Variants in TTC34 observed in about 807,000 individuals in gnomAD.
TTC34 encodes the protein tetratricopeptide repeat protein 34.
A neutral mutation model predicts 40.7 loss-of-function variants in TTC34; 44 were observed. The ratio of observed to expected loss-of-function variants is 1.08; its 90% CI spans 0.85 to 1.39. The LOEUF (loss-of-function observed/expected upper bound fraction) is 1.39. TTC34 is among the 40% of genes most tolerant of loss of function. The pLI is 0.00. For synonymous variants in TTC34, 422 were observed against 398.6 expected, an observed-to-expected ratio of 1.06 and a Z score of -0.70; for missense variants, 884 against 838.0, an observed-to-expected ratio of 1.05 and a Z score of -0.68.
At chr1:2,752,133 C>A (rs1403455881) in intron 6 of TTC34, among the ~76,000 whole-genome samples, 1 of 103,012 alleles carries the variant, frequency 9.7e-6, no homozygotes, top group Admixed American at 1.0e-4. Context: ...CCCACGCCCC[C>A]AGGTGCGCAT....
In TTC34 at chr1:2,799,436, G is replaced by A. The variant is rs1643749667; in HGVS notation, c.784+608C>T. On this transcript the variant is annotated intron_variant, in intron 2 of 8. Transcript: ENST00000401095. The stretch of plus-strand genomic sequence containing the variant: ...TGGGTGCCTGTAATCCCAGTTACTC[G>A]GGAGGCTGAAGCAAGAGAATCTCTT... 2.0e-5 allele frequency among the ~76,000 whole-genome samples: 3 copies of A among 152,098 alleles called. No individual in the cohort carries two copies. In the South Asian group the frequency reaches 6.2e-4, roughly 31 times the overall value.
chr1:2,641,153 G>C, exon 9 of TTC34: 1 of 392,706 alleles, frequency 2.5e-6, no homozygotes, highest in Non-Finnish European at 4.3e-6. Context: ...AGGGGTGTGT[G>C]GGGAGGGTGG....
intron 6 of TTC34, among the ~76,000 whole-genome samples, chr1:2,758,471 C>T (rs1342436423): frequency 8.2e-5 from 7 of 84,904 alleles, no homozygotes; most frequent in African/African-American, 1.7e-4. Flanking sequence ...GGAAGAGCAC[C>T]CACACACCCA....
At chr1:2,747,793 CTG>C (rs1641202014) in intron 6 of TTC34, among the ~76,000 whole-genome samples, 1 of 115,460 alleles carries the variant, frequency 8.7e-6, no homozygotes, top group Non-Finnish European at 1.7e-5. Context: ...GAACAGCAGC[CTG>C]CACCCCCAGG....
At chr1:2,674,620 C>A (rs1570786237) in intron 6 of TTC34, among the ~76,000 whole-genome samples, 1 of 22,340 alleles carries the variant, frequency 4.5e-5, no homozygotes, top group Admixed American at 5.6e-4. Context: ...CATCTGACAT[C>A]GTGGAGCAGC....
At chr1:2,746,470 AC>A (rs1418583270) in intron 6 of TTC34, among the ~76,000 whole-genome samples, 2 of 64,332 alleles carry the variant, frequency 3.1e-5, no homozygotes, top group Non-Finnish European at 5.1e-5. Context: ...AGCACCCTGC[AC>A]CCCCAGGAGA....
At chr1:2,691,667 C>T (rs1387085185) in intron 6 of TTC34, among the ~76,000 whole-genome samples, 1 of 96,578 alleles carries the variant, frequency 1.0e-5, no homozygotes, top group African/African-American at 3.5e-5. Flanking sequence ...CCGACACCCC[C>T]AGGTGAGCAT....
At chr1:2,640,949 C>A (rs1176837508) in exon 9 of TTC34, 2 of 154,826 alleles carry the variant, frequency 1.3e-5, no homozygotes, top group African/African-American at 5.2e-5. Flanking sequence ...GTCCCCTGTC[C>A]TTCCCAAGGC....
chr1:2,750,585 TC>T (rs1641285253), intron 6 of TTC34, among the ~76,000 whole-genome samples: 1 of 133,886 alleles, frequency 7.5e-6, no homozygotes, highest in Non-Finnish European at 1.6e-5. Context: ...GCATCTGACA[TC>T]GTGGAGCAGC....
In TTC34 at chr1:2,785,039, G is replaced by T. The variant is rs560777250; in HGVS notation, c.2059+780C>A. On this transcript the variant is annotated intron_variant, in intron 5 of 8. Transcript: ENST00000401095. The stretch of plus-strand genomic sequence containing the variant: ...CTGGGCTGCATGCCTTCCTGCCGAC[G>T]TGTGCAGGGCATGCTCTCTGTGCCA... Among the ~76,000 whole-genome samples, 21 of 124,480 alleles carry T rather than the reference G, an allele frequency of 1.7e-4. 1 individual carries two copies. The highest frequency in any genetic ancestry group is 7.2e-4 in the Admixed American group (9 of 12,464). The allele number at this position is 124,480 out of a possible 152,430, so 81.7% of individuals were successfully genotyped here.
At chr1:2,773,097 CCCCCAGGCGAGCA>C (rs1642548194) in intron 6 of TTC34, among the ~76,000 whole-genome samples, 7 of 135,270 alleles carry the variant, frequency 5.2e-5, no homozygotes, top group African/African-American at 1.6e-4. Flanking sequence ...AGCACCCACA[CCCCCAGGCGAGCA>C]TCTGACAGCC....
intron 6 of TTC34, among the ~76,000 whole-genome samples, chr1:2,750,184 G>A (rs1450635971): frequency 1.0e-5 from 1 of 97,068 alleles, no homozygotes. Context: ...GCATCTGACA[G>A]CCTGGGTCGG....
chr1:2,751,366 C>G (rs1421109608), intron 6 of TTC34, among the ~76,000 whole-genome samples: 2 of 118,164 alleles, frequency 1.7e-5, no homozygotes, highest in African/African-American at 4.1e-5. Flanking sequence ...GGCACCCACA[C>G]CCCCAGGTGC....
At chr1:2,657,440 C>G (rs1382391534) in intron 6 of TTC34, among the ~76,000 whole-genome samples, 2 of 80,578 alleles carry the variant, frequency 2.5e-5, no homozygotes, top group South Asian at 7.4e-4. Context: ...AGCATCTGAA[C>G]TCATGGAGCA....
chr1:2,646,174 T>C (rs58546948), intron 6 of TTC34, among the ~76,000 whole-genome samples: 11,033 of 152,210 alleles, frequency 0.072, 930 homozygotes, highest in African/African-American at 0.21. Context: ...AATTGCCTTG[T>C]GGATTACAAT....
At chr1:2,656,356 G>T (rs1210398623) in intron 6 of TTC34, among the ~76,000 whole-genome samples, 30 of 134,026 alleles carry the variant, frequency 2.2e-4, no homozygotes, top group Middle Eastern at 0.01. Flanking sequence ...GCATCTGACA[G>T]CCTGGAACAG....
intron 6 of TTC34, among the ~76,000 whole-genome samples, chr1:2,782,497 C>T (rs1332234877): frequency 1.7e-5 from 2 of 114,624 alleles, no homozygotes; most frequent in Non-Finnish European, 3.4e-5. Context: ...TTGATCTCTG[C>T]TGTAATCTTT....
intron 4 of TTC34, among the ~76,000 whole-genome samples, chr1:2,786,273 C>T (rs965136195): frequency 2.6e-5 from 4 of 152,244 alleles, no homozygotes; most frequent in African/African-American, 9.6e-5. Context: ...CCTACTGCCT[C>T]GCTGCCTCCA....
intron 2 of TTC34, among the ~76,000 whole-genome samples, chr1:2,793,190 T>C (rs1286758401): frequency 2.0e-5 from 3 of 152,242 alleles, no homozygotes; most frequent in South Asian, 2.1e-4. Context: ...TTAATTTTTT[T>C]CCCCAATCTG....
Sources: gnomAD v4.1 joint callset for allele counts (sites outside exome capture counted in the v4.1 genomes callset) on GRCh38, gnomAD v4.1.1 for gene constraint, MANE v1.5 for transcripts, NCBI Gene and HGNC (gene_info 2026-07-23, HGNC 2026-07-21) for gene names.